The following NBEAL1 variants were observed in gnomAD, a reference collection of about 807,000 sequenced individuals.
NBEAL1 encodes the protein neurobeachin like 1.
A neutral mutation model predicts 351.3 loss-of-function variants in NBEAL1; 273 were observed. That is an observed-to-expected ratio of 0.78 (90% CI 0.70 to 0.86). NBEAL1 has a LOEUF of 0.86. Ranked by LOEUF, NBEAL1 falls within the 40% of genes least tolerant of loss-of-function variation. The pLI is 0.00. For missense variants in NBEAL1, 2,961 were observed against 3,201.3 expected (o/e 0.92, Z 1.81); for synonymous variants, 1,050 against 1,086.4 (o/e 0.97, Z 0.66).
chr2:203,190,282 C>T lies in NBEAL1; in HGVS notation c.6824-10C>T, dbSNP rs377046379. ...TCACTCTATAGTAAGTTGACTTCTT[C>T]TGGTTTTAGGAGCTGTGGATCTGGA... On this transcript the variant is annotated splice_polypyrimidine_tract_variant and intron_variant, in intron 45 of 55. Coordinates refer to ENST00000683969, the MANE Select transcript of NBEAL1 (RefSeq NM_001378026.1). 9 of 1,592,874 alleles carry T rather than the reference C, an allele frequency of 5.7e-6. No homozygotes were observed. Among genetic ancestry groups the T allele is most frequent in the Non-Finnish European group, 7.7e-6 (9 of 1,170,420 alleles).
chr2:203,050,234 TAAAA>T (rs1559331844), intron 4 of NBEAL1: 2 of 245,188 alleles, frequency 8.2e-6, no homozygotes, highest in African/African-American at 2.2e-5. Flanking sequence ...ATTAAGTAAA[TAAAA>T]AAGAAAAAAA....
intron 55 of NBEAL1, among the ~76,000 whole-genome samples, chr2:203,215,193 TAA>T (rs1559072795): frequency 6.6e-6 from 1 of 151,924 alleles, no homozygotes; most frequent in African/African-American, 2.4e-5. Context: ...CCGTCTCTAC[TAA>T]AAATACAAAA....
chr2:203,063,006 A>G (rs1399782172), intron 6 of NBEAL1, among the ~76,000 whole-genome samples: 1 of 152,234 alleles, frequency 6.6e-6, no homozygotes, highest in African/African-American at 2.4e-5. Flanking sequence ...AATAGATTTA[A>G]TTAAAATTAA....
chr2:203,136,291 C>A (rs373538915), intron 28 of NBEAL1, 39 bp downstream of exon 28: 10 of 1,349,444 alleles, frequency 7.4e-6, no homozygotes, highest in Non-Finnish European at 1.0e-5. Context: ...TTTTTATTTT[C>A]ATGTCTGATA....
chr2:203,113,158 A>G lies in NBEAL1; in HGVS notation c.2346A>G (p.Gly782=). ...FGGILSSASW[G]GTIEKSKLIT... ...GAATTCTGTCATCAGCCTCCTGGGG[A>G]GGAACAATTGAAAAATCAAAATTGA... Residue 782 remains glycine, a synonymous_variant, in exon 17 of 56, where the codon GGA becomes GGG. Transcript: ENST00000683969. 6.4e-7 allele frequency: 1 copy of G among 1,552,812 alleles called. No individual in the cohort carries two copies. The highest frequency in any genetic ancestry group is 8.7e-7 in the Non-Finnish European group (1 of 1,147,264).
chr2:203,125,351 G>T lies in NBEAL1; in HGVS notation c.2683-1G>T. Reference sequence around the variant, plus strand: ...TTTAAACATTATAATTTTCCCTTTAGGATATCATAAACTGCATAGGTGGGT... The same window carrying T: ...TTTAAACATTATAATTTTCCCTTTATGATATCATAAACTGCATAGGTGGGT... On this transcript the variant is annotated splice_acceptor_variant, in intron 19 of 55. Coordinates refer to ENST00000683969, the MANE Select transcript of NBEAL1 (RefSeq NM_001378026.1). LOFTEE classifies it high-confidence loss of function. 6.7e-7 allele frequency: 1 copy of T among 1,490,966 alleles called. No homozygotes were observed. Among genetic ancestry groups the T allele is most frequent in the Non-Finnish European group, 8.9e-7 (1 of 1,121,836 alleles). The allele number at this position is 1,490,966 out of a possible 1,614,324, so 92.4% of individuals were successfully genotyped here.
rs969441176 is a variant in NBEAL1 at position 203,221,603 on chromosome 2, T to G, written c.*4249T>G. Reference sequence around the variant, plus strand: ...TACTCATGGCTTATCCTACGCATTGTTCCTCTCATCAGCTGAAACTGTTTC... The same window carrying G: ...TACTCATGGCTTATCCTACGCATTGGTCCTCTCATCAGCTGAAACTGTTTC... On this transcript the variant is annotated 3_prime_UTR_variant, in exon 56 of 56. Transcript: ENST00000683969. Among the ~76,000 whole-genome samples, 3 of 152,172 alleles carry G rather than the reference T, an allele frequency of 2.0e-5. No individual in the cohort carries two copies. The highest frequency in any genetic ancestry group is 7.2e-5 in the African/African-American group (3 of 41,448).
chr2:203,085,913 A>G (rs562298629), intron 10 of NBEAL1: 1 of 152,320 alleles, frequency 6.6e-6, no homozygotes, highest in South Asian at 2.1e-4. Context: ...CAAGCTGAAT[A>G]ATATCAATAG....
intron 24 of NBEAL1, among the ~76,000 whole-genome samples, chr2:203,128,953 A>T (rs1413189722): frequency 6.6e-6 from 1 of 152,204 alleles, no homozygotes; most frequent in Non-Finnish European, 1.5e-5. Flanking sequence ...AGTAAATTAT[A>T]AATGTGTGTC....
chr2:203,188,327 C>T (rs1335662675), intron 44 of NBEAL1, 145 bp from the exon 45 acceptor site: 4 of 481,346 alleles, frequency 8.3e-6, no homozygotes, highest in South Asian at 1.0e-4. Context: ...AAATGCTTGC[C>T]ATTATTTTGA....
chr2:203,118,845 T>C (rs1156825349), intron 18 of NBEAL1, among the ~76,000 whole-genome samples: 1 of 152,192 alleles, frequency 6.6e-6, no homozygotes, highest in Non-Finnish European at 1.5e-5. Flanking sequence ...CGCCTTGGCC[T>C]CCCACAGTGC....
At chr2:203,029,788 T>TAC (rs887176586) in intron 2 of NBEAL1, among the ~76,000 whole-genome samples, 48 of 152,322 alleles carry the variant, frequency 3.2e-4, no homozygotes, top group African/African-American at 1.1e-3. Context: ...TTTGTATATA[T>TAC]ACACCTCTAT....
Position 203,036,695 on chromosome 2 carries a change from C to A in NBEAL1, c.52-5070C>A, listed in dbSNP as rs11690221. On this transcript the variant is annotated intron_variant, in intron 2 of 55. Coordinates refer to ENST00000683969, the MANE Select transcript of NBEAL1 (RefSeq NM_001378026.1). The stretch of plus-strand genomic sequence containing the variant: ...CTTTACTTCTTAATAAATGAAACAC[C>A]TCCAAATTTAAGTACTTTTTTTTCC... Among the ~76,000 whole-genome samples the A allele has an allele frequency of 2.0e-5, 3 of 148,140 alleles. 1 individual carries two copies. Among genetic ancestry groups the A allele is most frequent in the Non-Finnish European group, 4.5e-5 (3 of 66,078 alleles).
intron 38 of NBEAL1, among the ~76,000 whole-genome samples, chr2:203,168,671 G>A (rs2064216437): frequency 6.6e-6 from 1 of 151,966 alleles, no homozygotes; most frequent in Non-Finnish European, 1.5e-5. Flanking sequence ...CAAGGTGGCT[G>A]GATCACGAGG....
chr2:203,140,301 T>TAA (rs989955011), intron 31 of NBEAL1, among the ~76,000 whole-genome samples: 2 of 119,656 alleles, frequency 1.7e-5, no homozygotes, highest in African/African-American at 3.1e-5. Flanking sequence ...AAAACTCTGT[T>TAA]AAAAAAAAAA....
chr2:203,131,998 C>T lies in NBEAL1; in HGVS notation c.3590C>T (p.Thr1197Met), dbSNP rs374604536. ...ATTATGGAACAAATGTTGAAATGCA[C>T]GAACGTTTATGAGCGTAGTAAACAA... ...FKIMEQMLKC[T>M]NVYERSKQHI... The change falls in exon 26 of 56, where the codon ACG becomes ATG. Residue 1197 changes from threonine to methionine, a missense_variant. By Grantham distance (81) the Thr-to-Met change is moderately conservative. Transcript: ENST00000683969. 4.5e-6 allele frequency: 7 copies of T among 1,546,538 alleles called. No individual in the cohort carries two copies. In the African/African-American group the frequency reaches 6.8e-5, roughly 15 times the overall value.
chr2:203,116,013 T>TC lies in NBEAL1; in HGVS notation c.2536dup (p.Gln846ProfsTer4). 2 of 1,553,466 alleles carry TC rather than the reference T, an allele frequency of 1.3e-6. No homozygotes were observed. Among genetic ancestry groups the TC allele is most frequent in the Non-Finnish European group, 1.7e-6 (2 of 1,147,322 alleles). On this transcript the variant is annotated frameshift_variant, in exon 18 of 56. Coordinates refer to ENST00000683969, the MANE Select transcript of NBEAL1 (RefSeq NM_001378026.1). LOFTEE classifies it high-confidence loss of function. ...CAAATTGTTTAAGCCCTTGGAAGTG[T>TC]CAAGAGTCTGACATGGCCGACCTGC...
chr2:203,022,752 C>T (rs2060791856), intron 2 of NBEAL1, among the ~76,000 whole-genome samples: 1 of 151,998 alleles, frequency 6.6e-6, no homozygotes, highest in Admixed American at 6.6e-5. Context: ...ACTATTTTAT[C>T]AGTAGTAATG....
At chr2:203,144,356 A>G (rs1259785609) in intron 31 of NBEAL1, among the ~76,000 whole-genome samples, 2 of 152,000 alleles carry the variant, frequency 1.3e-5, no homozygotes, top group Non-Finnish European at 2.9e-5. Context: ...GCAAATGCTG[A>G]TACTCTGGCT....
Sources: allele counts gnomAD v4.1 joint callset (sites outside exome capture counted in the v4.1 genomes callset), GRCh38; gene constraint gnomAD v4.1.1; transcripts MANE v1.5; gene names NCBI Gene and HGNC (gene_info 2026-07-23, HGNC 2026-07-21).